Variants in TNXB observed in about 807,000 individuals in gnomAD.
The protein encoded by TNXB is tenascin-X.
TNXB carries 183 observed loss-of-function variants against 340.5 expected under a neutral mutation model. The observed-to-expected ratio is 0.54, with a 90% CI of 0.48 to 0.61. The LOEUF is 0.61. TNXB is among the 20% of genes least tolerant of loss of function. The probability of loss-of-function intolerance (pLI) is 0.00; values close to 1 mark genes in which losing one functional copy is unlikely to be tolerated. For missense variants in TNXB, 4,613 were observed against 5,446.4 expected (o/e 0.85, Z 4.82); for synonymous variants, 2,121 against 2,314.5 (o/e 0.92, Z 2.40).
intron 43 of TNXB, 46 bp from the exon 44 acceptor site, chr6:32,041,496 C>A (rs1290002784): frequency 5.7e-6 from 7 of 1,228,864 alleles, no homozygotes; most frequent in African/African-American, 1.6e-5. Flanking sequence ...GATGTCCCAT[C>A]TGCTCTTCCC....
rs1778866179 is a variant in TNXB at position 32,072,990 on chromosome 6, T to C, written c.4681+657A>G. On this transcript the variant is annotated intron_variant, in intron 12 of 43. Transcript: ENST00000644971. The surrounding 1 kb of genome is among the most constrained non-coding windows in gnomAD (Gnocchi z 4.4). ...AAATATTTTGATAACTGTCTATAAATATAATGTTTCCTTTGTAATCCTATA... is the reference window on the plus strand; with the variant it reads ...AAATATTTTGATAACTGTCTATAAACATAATGTTTCCTTTGTAATCCTATA... Among the ~76,000 whole-genome samples the C allele has an allele frequency of 6.6e-6, 1 of 152,224 alleles. No individual in the cohort carries two copies. Among genetic ancestry groups the C allele is most frequent in the Non-Finnish European group, 1.5e-5 (1 of 68,040 alleles).
In TNXB at chr6:32,046,701, A is replaced by G; in HGVS notation, c.10325-245T>C. 2.3e-6 allele frequency: 1 copy of G among 430,222 alleles called. No individual in the cohort carries two copies. 26.7% of individuals were successfully genotyped at this position (430,222 alleles called of 1,614,324 possible). On this transcript the variant is annotated intron_variant, in intron 30 of 43. Coordinates refer to ENST00000644971, the MANE Select transcript of TNXB (RefSeq NM_001365276.2). This position sits in a 1 kb window ranked among gnomAD's most constrained non-coding sequence, Gnocchi z 6.9. The stretch of plus-strand genomic sequence containing the variant: ...CCCCGCCCCTTCCCTGCTGTGATCG[A>G]GGATGCGCCAAATTCATTACAGATC...
chr6:32,078,022 CAGAA>C (rs1035788574), intron 11 of TNXB, among the ~76,000 whole-genome samples: 10 of 94,534 alleles, frequency 1.1e-4, no homozygotes, highest in South Asian at 3.2e-4. Context: ...GCTCAAAAAA[CAGAA>C]AGAAAGGAAA....
chr6:32,076,904 C>A (rs1779111771), intron 11 of TNXB, among the ~76,000 whole-genome samples: 1 of 152,156 alleles, frequency 6.6e-6, no homozygotes, highest in African/African-American at 2.4e-5. Context: ...ACTGCTTGAA[C>A]CTGGGAGCCA....
chr6:32,052,256 C>A lies in TNXB; in HGVS notation c.9115+414G>T, dbSNP rs1331480654. Among the ~76,000 whole-genome samples, 2 of 152,102 alleles carry A rather than the reference C, an allele frequency of 1.3e-5. No individual in the cohort carries two copies. Among genetic ancestry groups the A allele is most frequent in the East Asian group, 1.9e-4 (1 of 5,190 alleles). On this transcript the variant is annotated intron_variant, in intron 26 of 43. Coordinates refer to ENST00000644971, the MANE Select transcript of TNXB (RefSeq NM_001365276.2). The surrounding 1 kb of genome is among the most constrained non-coding windows in gnomAD (Gnocchi z 4.7). ...CACGAGGTCAGGAGATTGAGACCAT[C>A]CTGGCTAACACGGTGAAACCCATCT...
At chr6:32,103,883 T>C (rs1780849589) in intron 1 of TNXB, among the ~76,000 whole-genome samples, 1 of 151,862 alleles carries the variant, frequency 6.6e-6, no homozygotes, top group Non-Finnish European at 1.5e-5. Context: ...AGGCACCCGC[T>C]ACCACACCTA....
chr6:32,059,329 C>T (rs1463668187), intron 21 of TNXB, among the ~76,000 whole-genome samples: 1 of 146,002 alleles, frequency 6.8e-6, no homozygotes, highest in Non-Finnish European at 1.5e-5. Context: ...TGAGGCAGGA[C>T]AATCACTTGA....
Position 32,049,852 on chromosome 6 carries a change from G to T in TNXB, c.9439+146C>A. 7.4e-7 allele frequency: 1 copy of T among 1,343,374 alleles called. No individual in the cohort carries two copies. Among genetic ancestry groups the T allele is most frequent in the Non-Finnish European group, 1.0e-6 (1 of 978,154 alleles). 83.2% of individuals were successfully genotyped at this position (1,343,374 alleles called of 1,614,324 possible). A position where few individuals can be genotyped will look rare whatever the true frequency, so the allele number is the denominator to read the frequency against. On this transcript the variant is annotated intron_variant, in intron 27 of 43. Coordinates refer to ENST00000644971, the MANE Select transcript of TNXB (RefSeq NM_001365276.2). This position sits in a 1 kb window ranked among gnomAD's most constrained non-coding sequence, Gnocchi z 4.5. ...GGGGAGCCAGGGGTCAACCACATAG[G>T]AAGGCCCAAGGGGAGTCCCAGCCCC... is the stretch of plus-strand genomic sequence containing the variant.
Position 32,047,755 on chromosome 6 carries a change from T to C in TNXB, c.10303A>G (p.Ile3435Val), listed in dbSNP as rs1307962610. The change falls in exon 30 of 44, where the codon ATC becomes GTC. Residue 3435 changes from isoleucine (I) to valine (V), a missense_variant. This residue lies in a region of TNXB where 4,327 missense variants were observed against 4,859.4 expected (regional missense o/e 0.89). Coordinates refer to ENST00000644971, the MANE Select transcript of TNXB (RefSeq NM_001365276.2). The surrounding 1 kb of genome is among the most constrained non-coding windows in gnomAD (Gnocchi z 6.2). ...TCACCTGTGGTGCTGTCAGCAGAGATGGGGCCCAGTCGTTTCCTGCCTGAC... is the reference window on the plus strand; with the variant it reads ...TCACCTGTGGTGCTGTCAGCAGAGACGGGGCCCAGTCGTTTCCTGCCTGAC... ...GLSGRKRLGP[I>V]SADSTTAPLE... 1.9e-6 allele frequency: 3 copies of C among 1,603,766 alleles called. No homozygotes were observed. The highest frequency in any genetic ancestry group is 2.6e-6 in the Non-Finnish European group (3 of 1,175,492).
Position 32,069,070 on chromosome 6 carries a change from C to G in TNXB, c.5654G>C (p.Gly1885Ala). Reference sequence around the variant, plus strand: ...CGTGGCCTCCTCCACTGTCAACTCCCCGAGGTGGGGCTCAGGCGCTGGAGG... The same window carrying G: ...CGTGGCCTCCTCCACTGTCAACTCCGCGAGGTGGGGCTCAGGCGCTGGAGG... The part of the protein sequence containing the change: ...PTPPAPEPHL[G>A]ELTVEEATSH... Residue 1885 changes from glycine (G) to alanine (A), a missense_variant, in exon 16 of 44, where the codon GGG (glycine) becomes GCG (alanine). This residue lies in a region of TNXB where 4,327 missense variants were observed against 4,859.4 expected (regional missense o/e 0.89). Transcript: ENST00000644971. The surrounding 1 kb of genome is among the most constrained non-coding windows in gnomAD (Gnocchi z 6.2). 1 of 1,612,784 alleles carries G rather than the reference C, an allele frequency of 6.2e-7. No individual in the cohort carries two copies.
In TNXB at chr6:32,073,916, G is replaced by A. The variant is rs781063575; in HGVS notation, c.4412C>T (p.Ser1471Phe). 2 of 1,604,856 alleles carry A rather than the reference G, an allele frequency of 1.2e-6. No individual in the cohort carries two copies. Among genetic ancestry groups the A allele is most frequent in the African/African-American group, 1.3e-5 (1 of 74,822 alleles). Residue 1471 changes from serine (S) to phenylalanine (F), a missense_variant, in exon 12 of 44, where the codon TCC becomes TTC. Transcript: ENST00000644971. This position sits in a 1 kb window ranked among gnomAD's most constrained non-coding sequence, Gnocchi z 4.6. The stretch of plus-strand genomic sequence containing the variant: ...CTCTCCTAGGCGTGGCTCCAGCGGG[G>A]ACTCAGTGGCTGGAGGGGTCTCTTC... ...QQEETPPATE[S>F]PLEPRLGELT... is the part of the protein sequence containing the mutation.
chr6:32,070,156 T>A lies in TNXB; in HGVS notation c.5249A>T (p.His1750Leu), dbSNP rs1391790019. 33 of 1,595,986 alleles carry A rather than the reference T, an allele frequency of 2.1e-5. No individual in the cohort carries two copies. Among genetic ancestry groups the A allele is most frequent in the Non-Finnish European group, 2.8e-5 (33 of 1,169,342 alleles). Residue 1750 changes from histidine to leucine, a missense_variant, in exon 14 of 44, where the codon CAT becomes CTT. Physicochemically the swap from His to Leu is moderately conservative, Grantham distance 99. Coordinates refer to ENST00000644971, the MANE Select transcript of TNXB (RefSeq NM_001365276.2). This position sits in a 1 kb window ranked among gnomAD's most constrained non-coding sequence, Gnocchi z 6.0. ...GGTGCCGTCGGCAGTGAGAGGGCCA[T>A]GGCGCTTCTTGCCCAGGAGGCCATA... The part of the protein sequence containing the change: ...LLYGLLGKKR[H>L]GPLTADGTTE...
At position 32,108,953 on chromosome 6, in the gene TNXB, A is replaced by G. The variant is rs150285732; in HGVS notation, c.-9+228T>C. 4.4e-4 allele frequency among the ~76,000 whole-genome samples: 67 copies of G among 152,114 alleles called. No individual in the cohort carries two copies. The highest frequency in any genetic ancestry group is 5.3e-4 in the Non-Finnish European group (36 of 67,972). On this transcript the variant is annotated intron_variant, in intron 1 of 43. Transcript: ENST00000644971. The surrounding 1 kb of genome is among the most constrained non-coding windows in gnomAD (Gnocchi z 4.8). ...TTGTCTGCATCCCATCCAAACCCTGACACATACTGCCCACCCCAACACACA... is the reference window on the plus strand; with the variant it reads ...TTGTCTGCATCCCATCCAAACCCTGGCACATACTGCCCACCCCAACACACA...
chr6:32,095,029 C>G (rs1193802174), intron 4 of TNXB, 47 bp downstream of exon 4: 3 of 1,481,204 alleles, frequency 2.0e-6, no homozygotes, highest in Non-Finnish European at 2.8e-6. Context: ...CCCTGCCCCC[C>G]TGTCCTGCCC....
At chr6:32,045,442 TCAGA>T (rs1261592745) in intron 31 of TNXB, 116 bp from the exon 32 acceptor site, 18 of 795,844 alleles carry the variant, frequency 2.3e-5, no homozygotes, top group Non-Finnish European at 3.2e-5. Context: ...CCAGGCCCAG[TCAGA>T]CAATGAAGTC....
At chr6:32,098,829 C>G (rs951832446) in intron 1 of TNXB, among the ~76,000 whole-genome samples, 1 of 152,290 alleles carries the variant, frequency 6.6e-6, no homozygotes, top group Non-Finnish European at 1.5e-5. Flanking sequence ...TCTCACTACT[C>G]CAAGGGCCTT....
At chr6:32,107,224 C>T (rs1212173304) in intron 1 of TNXB, among the ~76,000 whole-genome samples, 1 of 152,202 alleles carries the variant, frequency 6.6e-6, no homozygotes, top group African/African-American at 2.4e-5. Context: ...CAGTGCCCCT[C>T]CCCAAATAAG....
At position 32,061,511 on chromosome 6, in the gene TNXB, C is replaced by T. The variant is rs544370772; in HGVS notation, c.7378G>A (p.Glu2460Lys). Reference protein sequence around the residue: ...GRPQVVRVGGEESEVTVGGLE... With the variant: ...GRPQVVRVGGKESEVTVGGLE... ...CCCCCCACGGTGACCTCGCTCTCCT[C>T]GCCCCCAACACGCACCACCTGGGGC... The change falls in exon 21 of 44, where the codon GAG becomes AAG. Residue 2460 changes from glutamate (E) to lysine (K), a missense_variant. Around this residue, in one of 7 missense-constraint regions of TNXB, gnomAD observed 4,327 missense variants for 4,859.4 expected, o/e 0.89. Transcript: ENST00000644971. The surrounding 1 kb of genome is among the most constrained non-coding windows in gnomAD (Gnocchi z 4.4). 1.8e-5 allele frequency: 29 copies of T among 1,613,594 alleles called. No individual in the cohort carries two copies. Among genetic ancestry groups the T allele is most frequent in the South Asian group, 1.1e-4 (10 of 91,078 alleles).
At position 32,069,981 on chromosome 6, in the gene TNXB, T is replaced by C; in HGVS notation, c.5279-120A>G. On this transcript the variant is annotated intron_variant, in intron 14 of 43. Coordinates refer to ENST00000644971, the MANE Select transcript of TNXB (RefSeq NM_001365276.2). This position sits in a 1 kb window ranked among gnomAD's most constrained non-coding sequence, Gnocchi z 6.2. ...TGCGTGGCTGAGTCCTGCCGGGCTG[T>C]GCTAGGGGCTTGTGCAGGGACGTGG... The C allele has an allele frequency of 4.4e-6, 6 of 1,376,510 alleles. No homozygotes were observed. The South Asian group carries it at 9.0e-5, about 21-fold the overall frequency. 85.3% of individuals were successfully genotyped at this position (1,376,510 alleles called of 1,614,324 possible).
Sources: allele counts gnomAD v4.1 joint callset (sites outside exome capture counted in the v4.1 genomes callset), GRCh38; gene constraint gnomAD v4.1.1; regional missense constraint gnomAD v4.1.1; non-coding constraint Gnocchi (gnomAD v3.1); transcripts MANE v1.5; gene names NCBI Gene and HGNC (gene_info 2026-07-23, HGNC 2026-07-21).